Variants in TMPRSS11E observed in about 807,000 individuals in gnomAD.
TMPRSS11E encodes the protein transmembrane serine protease 11E.
TMPRSS11E carries 38 observed loss-of-function variants against 48.1 expected under a neutral mutation model. The ratio of observed to expected loss-of-function variants is 0.79; its 90% CI spans 0.61 to 1.04. The LOEUF (loss-of-function observed/expected upper bound fraction) is 1.04, where lower values mean the gene tolerates loss of function less well. TMPRSS11E is among the 50% of genes least tolerant of loss of function. The pLI is 0.00. For synonymous variants in TMPRSS11E, 158 were observed against 171.9 expected, an observed-to-expected ratio of 0.92 and a Z score of 0.63; for missense variants, 530 against 510.8, an observed-to-expected ratio of 1.04 and a Z score of -0.36.
Position 68,461,923 on chromosome 4 carries a change from C to T in TMPRSS11E, c.114C>T (p.Leu38=). The stretch of plus-strand genomic sequence containing the variant: ...TTGTCCTGGCAGTGTGCATTGGACT[C>T]ACTGTTCATTATGTGAGATATAGTA... ...SLIVLAVCIG[L]TVHYVRYNQK... Residue 38 remains leucine (L), a synonymous_variant, in exon 2 of 10, where the codon CTC becomes CTT. Transcript: ENST00000305363. 1.9e-6 allele frequency: 3 copies of T among 1,614,128 alleles called. No individual in the cohort carries two copies. Among genetic ancestry groups the T allele is most frequent in the Non-Finnish European group, 2.5e-6 (3 of 1,179,996 alleles).
At chr4:68,485,398 C>T (rs1022826753) in intron 9 of TMPRSS11E, among the ~76,000 whole-genome samples, 3 of 152,124 alleles carry the variant, frequency 2.0e-5, no homozygotes, top group African/African-American at 4.8e-5. Context: ...CCACACATCT[C>T]GGCCTCCCAA....
chr4:68,456,545 C>T lies in TMPRSS11E; in HGVS notation c.12-5276C>T, dbSNP rs977621134. Among the ~76,000 whole-genome samples the T allele has an allele frequency of 1.8e-4, 28 of 151,784 alleles. 1 individual carries two copies. The highest frequency in any genetic ancestry group is 6.5e-4 in the African/African-American group (27 of 41,332). On this transcript the variant is annotated intron_variant, in intron 1 of 9. Coordinates refer to ENST00000305363, the MANE Select transcript of TMPRSS11E (RefSeq NM_014058.4). The stretch of plus-strand genomic sequence containing the variant: ...TTTCTACTGTGGATATTTTTATAGT[C>T]CTGTTCTAGAAAGTGTGAGAAGGAT...
At chr4:68,493,618 C>T (rs1298801294) in intron 9 of TMPRSS11E, among the ~76,000 whole-genome samples, 1 of 151,982 alleles carries the variant, frequency 6.6e-6, no homozygotes, top group Non-Finnish European at 1.5e-5. Flanking sequence ...AGGCAACCGC[C>T]ACCACACCAG....
At chr4:68,490,785 A>C (rs928404445) in intron 9 of TMPRSS11E, among the ~76,000 whole-genome samples, 3 of 90,256 alleles carry the variant, frequency 3.3e-5, no homozygotes, top group African/African-American at 1.4e-4. Flanking sequence ...TTTGAGGTGG[A>C]GTCTCGCTTG....
chr4:68,487,278 G>A (rs966090690), intron 9 of TMPRSS11E, among the ~76,000 whole-genome samples: 4 of 149,560 alleles, frequency 2.7e-5, no homozygotes, highest in Admixed American at 6.6e-5. Flanking sequence ...TTGAGACCGC[G>A]TTTTGCTCTT....
At chr4:68,448,609 G>T (rs938336493) in intron 1 of TMPRSS11E, among the ~76,000 whole-genome samples, 1 of 151,852 alleles carries the variant, frequency 6.6e-6, no homozygotes, top group African/African-American at 2.4e-5. Flanking sequence ...TTGGAATTTG[G>T]TTATAAATGT....
At chr4:68,469,669 T>C (rs551852385) in intron 4 of TMPRSS11E, among the ~76,000 whole-genome samples, 1 of 152,046 alleles carries the variant, frequency 6.6e-6, no homozygotes, top group African/African-American at 2.4e-5. Context: ...ACTACTTCTC[T>C]TATCTTTAAG....
intron 3 of TMPRSS11E, among the ~76,000 whole-genome samples, chr4:68,468,210 C>T (rs1385594663): frequency 6.6e-6 from 1 of 152,134 alleles, no homozygotes; most frequent in Non-Finnish European, 1.5e-5. Context: ...TATCCACATA[C>T]TGGAAACAAG....
intron 6 of TMPRSS11E, among the ~76,000 whole-genome samples, chr4:68,475,439 C>T (rs1223508220): frequency 1.3e-5 from 2 of 152,232 alleles, no homozygotes; most frequent in East Asian, 3.9e-4. Context: ...CTCACCAGCT[C>T]ATATAGTTGG....
chr4:68,455,396 A>G (rs1162971164), intron 1 of TMPRSS11E, among the ~76,000 whole-genome samples: 1 of 151,974 alleles, frequency 6.6e-6, no homozygotes, highest in Non-Finnish European at 1.5e-5. Flanking sequence ...TCTCAATATC[A>G]TACAAGTTGG....
chr4:68,450,114 T>C (rs1018557126), intron 1 of TMPRSS11E, among the ~76,000 whole-genome samples: 2 of 150,494 alleles, frequency 1.3e-5, no homozygotes, highest in Admixed American at 1.3e-4. Flanking sequence ...ACACTCCTTT[T>C]AGGCTTAGGC....
chr4:68,469,771 A>G (rs1317494350), intron 4 of TMPRSS11E, among the ~76,000 whole-genome samples: 1 of 151,848 alleles, frequency 6.6e-6, no homozygotes, highest in African/African-American at 2.4e-5. Context: ...TATTTTTCTG[A>G]TTTCTATAAC....
intron 6 of TMPRSS11E, among the ~76,000 whole-genome samples, chr4:68,475,746 A>G (rs1729194874): frequency 6.6e-6 from 1 of 152,198 alleles, no homozygotes; most frequent in Non-Finnish European, 1.5e-5. Flanking sequence ...TCATGAATAT[A>G]GGGGGAGGGC....
chr4:68,491,515 G>A (rs1452853251), intron 9 of TMPRSS11E, among the ~76,000 whole-genome samples: 2 of 151,960 alleles, frequency 1.3e-5, no homozygotes, highest in African/African-American at 4.8e-5. Context: ...GGTCTGGAGC[G>A]TTTACATATT....
intron 9 of TMPRSS11E, among the ~76,000 whole-genome samples, chr4:68,492,230 C>T (rs1346510593): frequency 6.6e-6 from 1 of 152,146 alleles, no homozygotes; most frequent in Non-Finnish European, 1.5e-5. Flanking sequence ...ATACTTGATC[C>T]TTGTTATTTG....
At chr4:68,482,270 C>A (rs1729425125) in intron 9 of TMPRSS11E, among the ~76,000 whole-genome samples, 1 of 152,182 alleles carries the variant, frequency 6.6e-6, no homozygotes, top group South Asian at 2.1e-4. Flanking sequence ...GACCTGAACA[C>A]CTCCCACCAG....
At chr4:68,449,233 G>A (rs1728429524) in intron 1 of TMPRSS11E, among the ~76,000 whole-genome samples, 1 of 151,244 alleles carries the variant, frequency 6.6e-6, no homozygotes, top group Non-Finnish European at 1.5e-5. Flanking sequence ...TATTCTTTGA[G>A]CATGAAGAGA....
At chr4:68,492,251 A>G (rs1356729032) in intron 9 of TMPRSS11E, among the ~76,000 whole-genome samples, 2 of 152,178 alleles carry the variant, frequency 1.3e-5, no homozygotes, top group African/African-American at 2.4e-5. Flanking sequence ...CAGATTCCAT[A>G]TTTGCAAATT....
intron 5 of TMPRSS11E, among the ~76,000 whole-genome samples, chr4:68,473,654 C>T (rs147681575): frequency 3.5e-4 from 53 of 152,080 alleles, no homozygotes; most frequent in Non-Finnish European, 6.8e-4. Flanking sequence ...GAGCATTGTA[C>T]CAAGCACAAG....
Sources: allele counts gnomAD v4.1 joint callset (sites outside exome capture counted in the v4.1 genomes callset), GRCh38; gene constraint gnomAD v4.1.1; transcripts MANE v1.5; gene names NCBI Gene and HGNC (gene_info 2026-07-23, HGNC 2026-07-21).